Variants in CCDC92 observed in about 807,000 individuals in gnomAD.
CCDC92 encodes the protein coiled-coil domain-containing protein 92.
Under a neutral mutation model 24.9 loss-of-function variants are expected in CCDC92, and 12 were observed. The observed-to-expected ratio is 0.48, with a 90% CI of 0.31 to 0.78. CCDC92 has a LOEUF of 0.78. CCDC92 is among the 30% of genes least tolerant of loss of function. The pLI is 0.05. For synonymous variants in CCDC92, 193 were observed against 196.3 expected (o/e 0.98, Z 0.14); for missense variants, 399 against 439.4 (o/e 0.91, Z 0.82).
In CCDC92 at chr12:123,936,944, T is replaced by C; in HGVS notation, c.*114A>G. 1.7e-6 allele frequency: 2 copies of C among 1,156,072 alleles called. No homozygotes were observed. Among genetic ancestry groups the C allele is most frequent in the Non-Finnish European group, 2.5e-6 (2 of 804,622 alleles). The allele number at this position is 1,156,072 out of a possible 1,614,324, so 71.6% of individuals were successfully genotyped here. ...GCAAGAGAAGCAGAAGGAGAATGGG[T>C]CGGTAGGTGTGAAAAGTGTTTGGCA... On this transcript the variant is annotated 3_prime_UTR_variant, in exon 5 of 5. Transcript: ENST00000238156.
intron 1 of CCDC92, among the ~76,000 whole-genome samples, chr12:123,957,098 G>A (rs1594490684): frequency 1.3e-5 from 2 of 152,112 alleles, no homozygotes; most frequent in African/African-American, 4.8e-5. Flanking sequence ...ATAATCCTTG[G>A]TTCATGACAC....
intron 1 of CCDC92, chr12:123,971,566 G>A (rs1295973548): frequency 2.0e-5 from 3 of 152,212 alleles, no homozygotes; most frequent in Admixed American, 1.3e-4. Flanking sequence ...ATTACAGCGT[G>A]GTAGCTTGCA....
chr12:123,963,703 G>C (rs1279693646), intron 1 of CCDC92, among the ~76,000 whole-genome samples: 3 of 152,194 alleles, frequency 2.0e-5, no homozygotes, highest in Admixed American at 6.5e-5. Flanking sequence ...GAATGCAATA[G>C]GGACTCCAGT....
rs1955574899 is a variant in CCDC92 at position 123,937,980 on chromosome 12, A to ACCCCT, written c.224-155_224-151dup. 1.3e-6 allele frequency: 1 copy of ACCCCT among 743,442 alleles called. No individual in the cohort carries two copies. The highest frequency in any genetic ancestry group is 2.1e-6 in the Non-Finnish European group (1 of 468,764). 46.1% of individuals were successfully genotyped at this position (743,442 alleles called of 1,614,324 possible). On this transcript the variant is annotated intron_variant, in intron 4 of 4. Coordinates refer to ENST00000238156, the MANE Select transcript of CCDC92 (RefSeq NM_025140.3). This position sits in a 1 kb window ranked among gnomAD's most constrained non-coding sequence, Gnocchi z 8.4. The stretch of plus-strand genomic sequence containing the variant: ...GCAGGGCTGTGGGGGCTCTGGAAAG[A>ACCCCT]CCCCTCCCCTCCCCGAGGTGGGGAG...
At chr12:123,940,601 T>C (rs1052266155) in intron 4 of CCDC92, among the ~76,000 whole-genome samples, 13 of 152,200 alleles carry the variant, frequency 8.5e-5, no homozygotes, top group Non-Finnish European at 1.6e-4. Context: ...AAAGCTCCAC[T>C]CCACCTCCTC....
intron 2 of CCDC92, 186 bp from the exon 3 acceptor site, chr12:123,943,679 C>G (rs964097603): frequency 4.6e-6 from 3 of 647,602 alleles, no homozygotes; most frequent in Admixed American, 2.9e-5. Flanking sequence ...GGCCCCAGGC[C>G]AGGGACGGCA....
intron 3 of CCDC92, 126 bp from the exon 4 acceptor site, chr12:123,942,911 C>A: frequency 2.5e-6 from 2 of 784,676 alleles, no homozygotes; most frequent in Non-Finnish European, 2.2e-6. Context: ...CAGGGTTTGG[C>A]AGCAGGAGAG....
chr12:123,970,074 C>A (rs1411174929), intron 1 of CCDC92: 2 of 152,086 alleles, frequency 1.3e-5, no homozygotes, highest in African/African-American at 4.8e-5. Context: ...GCAGGTGGGT[C>A]TTTAATCTAC....
At chr12:123,942,263 C>T (rs1955706810) in intron 4 of CCDC92, among the ~76,000 whole-genome samples, 1 of 152,126 alleles carries the variant, frequency 6.6e-6, no homozygotes, top group Non-Finnish European at 1.5e-5. Context: ...AGAGAAAGCC[C>T]CAGATCCTCA....
intron 1 of CCDC92, among the ~76,000 whole-genome samples, chr12:123,954,420 C>T (rs890659161): frequency 1.3e-5 from 2 of 152,172 alleles, no homozygotes; most frequent in South Asian, 2.1e-4. Context: ...TCTGAAAGAA[C>T]GTGCAGCCTA....
chr12:123,962,570 T>C (rs1333088002), intron 1 of CCDC92: 1 of 153,084 alleles, frequency 6.5e-6, no homozygotes, highest in South Asian at 2.1e-4. Context: ...ACAAATTCTT[T>C]ATTCAAATGT....
intron 4 of CCDC92, among the ~76,000 whole-genome samples, chr12:123,939,002 C>CTT (rs771225466): frequency 1.6e-4 from 25 of 152,334 alleles, no homozygotes; most frequent in South Asian, 1.0e-3. Context: ...GTCCTCTGTT[C>CTT]AAAATGGTTC....
intron 2 of CCDC92, 180 bp from the exon 3 acceptor site, chr12:123,943,673 C>G (rs1439263621): frequency 8.9e-6 from 6 of 675,934 alleles, no homozygotes; most frequent in Non-Finnish European, 1.5e-5. Flanking sequence ...CAGGGAGGCC[C>G]CAGGCCAGGG....
At chr12:123,957,655 T>A (rs1033538520) in intron 1 of CCDC92, among the ~76,000 whole-genome samples, 1 of 151,960 alleles carries the variant, frequency 6.6e-6, no homozygotes, top group African/African-American at 2.4e-5. Context: ...CAAATTTCTA[T>A]GCACCAGGCT....
intron 1 of CCDC92, chr12:123,944,614 T>C (rs1386844285): frequency 3.2e-6 from 1 of 315,994 alleles, no homozygotes; most frequent in African/African-American, 2.2e-5. Context: ...ACCAGTGACA[T>C]GCATGCACAC....
intron 3 of CCDC92, 21 bp downstream of exon 3, chr12:123,943,326 C>T (rs376932790): frequency 2.9e-4 from 470 of 1,607,996 alleles, no homozygotes; most frequent in African/African-American, 2.7e-3. Flanking sequence ...CCCGCCTGCC[C>T]GGGCCTGCTC....
chr12:123,968,877 T>G (rs1278863936), intron 1 of CCDC92, among the ~76,000 whole-genome samples: 1 of 152,266 alleles, frequency 6.6e-6, no homozygotes, highest in East Asian at 1.9e-4. Context: ...TTTAAAAAGT[T>G]AAGTCCATGC....
At chr12:123,957,424 G>C (rs956427159) in intron 1 of CCDC92, among the ~76,000 whole-genome samples, 4 of 152,172 alleles carry the variant, frequency 2.6e-5, no homozygotes, top group Non-Finnish European at 5.9e-5. Context: ...GCAAGCAGCT[G>C]CTATGTGCAC....
At chr12:123,945,881 T>C (rs1352754105) in intron 1 of CCDC92, 1 of 107,660 alleles carries the variant, frequency 9.3e-6, no homozygotes, top group Admixed American at 1.1e-4. Context: ...CAGAATTTAG[T>C]GGGTCTTGGA....
Sources: gnomAD v4.1 joint callset for allele counts (sites outside exome capture counted in the v4.1 genomes callset) on GRCh38, gnomAD v4.1.1 for gene constraint, Gnocchi (gnomAD v3.1) non-coding constraint, MANE v1.5 for transcripts, NCBI Gene and HGNC (gene_info 2026-07-23, HGNC 2026-07-21) for gene names.